KIDINS220: variants seen among roughly 807,000 people sequenced by gnomAD.
KIDINS220 encodes kinase D interacting substrate 220.
KIDINS220 carries 63 observed loss-of-function variants against 157.6 expected under a neutral mutation model. That is an observed-to-expected ratio of 0.40 (90% CI 0.33 to 0.49). KIDINS220 has a LOEUF of 0.49. Ranked by LOEUF, KIDINS220 falls within the 20% of genes least tolerant of loss-of-function variation. The probability of loss-of-function intolerance (pLI) is 0.66; values close to 1 mark genes in which losing one functional copy is unlikely to be tolerated. For missense variants in KIDINS220, 1,772 were observed against 2,171.2 expected, an observed-to-expected ratio of 0.82 and a Z score of 3.65; for synonymous variants, 732 against 783.6, an observed-to-expected ratio of 0.93 and a Z score of 1.10.
At chr2:8,783,035 T>C (rs1671909342) in intron 17 of KIDINS220, among the ~76,000 whole-genome samples, 1 of 151,904 alleles carries the variant, frequency 6.6e-6, no homozygotes, top group African/African-American at 2.4e-5. Context: ...CCGTCTCTAC[T>C]AAAAATACAA....
chr2:8,782,427 C>A (rs1671843308), intron 17 of KIDINS220, among the ~76,000 whole-genome samples: 1 of 152,142 alleles, frequency 6.6e-6, no homozygotes, highest in African/African-American at 2.4e-5. Flanking sequence ...CAACTCTATG[C>A]CCACAAATTT....
At chr2:8,747,242 G>A (rs761404011) in intron 25 of KIDINS220, 41 bp from the exon 26 acceptor site, 8 of 1,549,656 alleles carry the variant, frequency 5.2e-6, no homozygotes, top group African/African-American at 1.4e-5. Context: ...AAAAGGGGAA[G>A]GGGGGAGCCA....
Position 8,756,252 on chromosome 2 carries a change from CCTT to C in KIDINS220, c.3012-4611_3012-4609del, listed in dbSNP as rs539251140. ...TTAGATGCTACTGTAAAATGAACTGCCTTCTTAATTTCCTTTCAGACTGTTCAC... is the reference window on the plus strand; with the variant it reads ...TTAGATGCTACTGTAAAATGAACTGCCTTAATTTCCTTTCAGACTGTTCAC... On this transcript the variant is annotated intron_variant, in intron 22 of 29. Coordinates refer to ENST00000256707, the MANE Select transcript of KIDINS220 (RefSeq NM_020738.4). Among the ~76,000 whole-genome samples, 1,281 of 152,208 alleles carry C rather than the reference CCTT, an allele frequency of 8.4e-3. 26 individuals carry two copies. Among genetic ancestry groups the C allele is most frequent in the African/African-American group, 0.029 (1,194 of 41,526 alleles).
At position 8,730,449 on chromosome 2, in the gene KIDINS220, A is replaced by G; in HGVS notation, c.*271T>C. The G allele has an allele frequency of 8.0e-7, 1 of 1,253,614 alleles. No individual in the cohort carries two copies. Among genetic ancestry groups the G allele is most frequent in the Non-Finnish European group, 1.0e-6 (1 of 1,001,286 alleles). 77.7% of individuals were successfully genotyped at this position (1,253,614 alleles called of 1,614,324 possible). ...ATACTCAGATCTCACCTCGTCTCAAAAAGTTTTATGGGGTAATGCGCCAAT... is the reference window on the plus strand; with the variant it reads ...ATACTCAGATCTCACCTCGTCTCAAGAAGTTTTATGGGGTAATGCGCCAAT... On this transcript the variant is annotated 3_prime_UTR_variant, in exon 30 of 30. Transcript: ENST00000256707.
At chr2:8,831,908 A>G (rs1679678298) in intron 1 of KIDINS220, among the ~76,000 whole-genome samples, 1 of 152,242 alleles carries the variant, frequency 6.6e-6, no homozygotes, top group Non-Finnish European at 1.5e-5. Context: ...ATAGACAAAA[A>G]CATGAACATC....
At chr2:8,755,133 A>C (rs1335362625) in intron 22 of KIDINS220, among the ~76,000 whole-genome samples, 1 of 152,226 alleles carries the variant, frequency 6.6e-6, no homozygotes, top group East Asian at 1.9e-4. Flanking sequence ...AATGGAGTCC[A>C]TTTATACACC....
At chr2:8,804,861 C>T (rs1033899839) in intron 7 of KIDINS220, among the ~76,000 whole-genome samples, 2 of 152,136 alleles carry the variant, frequency 1.3e-5, no homozygotes, top group African/African-American at 4.8e-5. Context: ...GGGTATTCTC[C>T]AACTCAATTC....
Position 8,729,347 on chromosome 2 carries a change from A to G in KIDINS220, c.*1373T>C, listed in dbSNP as rs1663715509. 1 of 985,380 alleles carries G rather than the reference A, an allele frequency of 1.0e-6. No homozygotes were observed. Among genetic ancestry groups the G allele is most frequent in the African/African-American group, 1.7e-5 (1 of 57,264 alleles). 61.0% of individuals were successfully genotyped at this position (985,380 alleles called of 1,614,324 possible). On this transcript the variant is annotated 3_prime_UTR_variant, in exon 30 of 30. Coordinates refer to ENST00000256707, the MANE Select transcript of KIDINS220 (RefSeq NM_020738.4). ...ACTGAGTGATAAACATCGAAAATGT[A>G]ACACTGAATCTAGATAATAGCGCAT...
chr2:8,816,771 G>C (rs1677138775), intron 4 of KIDINS220, among the ~76,000 whole-genome samples: 2 of 152,124 alleles, frequency 1.3e-5, no homozygotes, highest in Non-Finnish European at 2.9e-5. Flanking sequence ...ACGTACTTAA[G>C]TTCTTTTTGG....
chr2:8,809,815 T>C (rs1258629889), intron 6 of KIDINS220, among the ~76,000 whole-genome samples: 3 of 152,026 alleles, frequency 2.0e-5, no homozygotes, highest in Non-Finnish European at 2.9e-5. Flanking sequence ...AATCCCACCG[T>C]GTACTATTAA....
At chr2:8,805,709 G>C (rs918189910) in intron 7 of KIDINS220, among the ~76,000 whole-genome samples, 1 of 152,148 alleles carries the variant, frequency 6.6e-6, no homozygotes, top group African/African-American at 2.4e-5. Flanking sequence ...TGGCATATAT[G>C]ACATAAGTTC....
At chr2:8,819,429 G>A (rs193158038) in intron 2 of KIDINS220, among the ~76,000 whole-genome samples, 48 of 152,278 alleles carry the variant, frequency 3.2e-4, no homozygotes, top group African/African-American at 1.2e-3. Context: ...AGGCAGCTGG[G>A]TGCCTAGACA....
At chr2:8,748,213 C>CT (rs1558336635) in intron 24 of KIDINS220, among the ~76,000 whole-genome samples, 1 of 152,094 alleles carries the variant, frequency 6.6e-6, no homozygotes, top group African/African-American at 2.4e-5. Flanking sequence ...TTCATATAAG[C>CT]TTTTTTCAGA....
At chr2:8,744,307 C>G (rs1423711859) in intron 26 of KIDINS220, among the ~76,000 whole-genome samples, 1 of 129,630 alleles carries the variant, frequency 7.7e-6, no homozygotes, top group South Asian at 2.4e-4. Context: ...TGTGAGAAAA[C>G]TCAATGATTT....
intron 21 of KIDINS220, among the ~76,000 whole-genome samples, chr2:8,775,480 G>A (rs1403527874): frequency 6.6e-6 from 1 of 152,080 alleles, no homozygotes; most frequent in African/African-American, 2.4e-5. Flanking sequence ...AGCCAAAGGA[G>A]GAAAATTTTT....
At chr2:8,816,637 C>T (rs1486203108) in intron 4 of KIDINS220, among the ~76,000 whole-genome samples, 1 of 152,210 alleles carries the variant, frequency 6.6e-6, no homozygotes. Flanking sequence ...CTCGATAACT[C>T]CCTGCATTTC....
chr2:8,725,734 G>A (rs1183918974), downstream of KIDINS220: 1 of 152,180 alleles, frequency 6.6e-6, no homozygotes, highest in African/African-American at 2.4e-5. Flanking sequence ...GATAATCAAG[G>A]TGGTATTATT....
At chr2:8,727,129 G>A, downstream of KIDINS220, 4 of 1,107,770 alleles carry the variant, frequency 3.6e-6, no homozygotes, top group Non-Finnish European at 3.4e-6. Context: ...TCTGAGGTAG[G>A]GAAGGATAGG....
rs1474167193 is a variant in KIDINS220 at position 8,728,918 on chromosome 2, A to G, written c.*1802T>C. 3 of 979,598 alleles carry G rather than the reference A, an allele frequency of 3.1e-6. No individual in the cohort carries two copies. Among genetic ancestry groups the G allele is most frequent in the South Asian group, 9.5e-5 (2 of 21,158 alleles). The allele number at this position is 979,598 out of a possible 1,614,324, so 60.7% of individuals were successfully genotyped here. On this transcript the variant is annotated 3_prime_UTR_variant, in exon 30 of 30. Transcript: ENST00000256707. The stretch of plus-strand genomic sequence containing the variant: ...GAATCATCATAGTGAATAAAAATTC[A>G]TGAGTCAGAATAGCATGCAATTTTT...
Sources: gnomAD v4.1 joint callset for allele counts (sites outside exome capture counted in the v4.1 genomes callset) on GRCh38, gnomAD v4.1.1 for gene constraint, MANE v1.5 for transcripts, NCBI Gene and HGNC (gene_info 2026-07-23, HGNC 2026-07-21) for gene names.